ATP13A4: variants seen among roughly 807,000 people sequenced by gnomAD.
ATP13A4 encodes ATPase 13A4.
ATP13A4 carries 114 observed loss-of-function variants against 142.5 expected under a neutral mutation model. The observed-to-expected ratio is 0.80, with a 90% CI of 0.69 to 0.93. ATP13A4 has a LOEUF of 0.93. Ranked by LOEUF, ATP13A4 falls within the 40% of genes least tolerant of loss-of-function variation. The pLI is 0.00. For missense variants in ATP13A4, 1,392 were observed against 1,454.0 expected, an observed-to-expected ratio of 0.96 and a Z score of 0.69; for synonymous variants, 488 against 514.8, an observed-to-expected ratio of 0.95 and a Z score of 0.70.
At chr3:193,480,305 C>T (rs1232119631) in intron 8 of ATP13A4, among the ~76,000 whole-genome samples, 1 of 152,124 alleles carries the variant, frequency 6.6e-6, no homozygotes, top group Non-Finnish European at 1.5e-5. Flanking sequence ...AAAGCTTCTG[C>T]ACAGCAAAAG....
intron 1 of ATP13A4, among the ~76,000 whole-genome samples, chr3:193,544,825 A>G (rs375329642): frequency 2.0e-4 from 31 of 152,364 alleles, no homozygotes; most frequent in African/African-American, 7.5e-4. Flanking sequence ...AACAGGCTAC[A>G]TCAAAAGCAT....
Position 193,439,042 on chromosome 3 carries a change from T to A in ATP13A4, c.2543A>T (p.Asp848Val), listed in dbSNP as rs1482304519. 1 of 1,609,748 alleles carries A rather than the reference T, an allele frequency of 6.2e-7. No individual in the cohort carries two copies. Among genetic ancestry groups the A allele is most frequent in the Non-Finnish European group, 8.5e-7 (1 of 1,176,126 alleles). ...ACTTACCCCACAGTCATTGGCTCCA[T>A]CACCACACATACCTACAAAGTAACT... ...KLDYFVGMCG[D>V]GANDCGALKM... The change falls in exon 22 of 30, where the codon GAT (aspartate) becomes GTT (valine). Residue 848 changes from aspartate to valine, a missense_variant. Coordinates refer to ENST00000342695, the MANE Select transcript of ATP13A4 (RefSeq NM_032279.4).
chr3:193,512,003 C>T (rs1200728465), intron 2 of ATP13A4, among the ~76,000 whole-genome samples: 1 of 151,992 alleles, frequency 6.6e-6, no homozygotes, highest in African/African-American at 2.4e-5. Flanking sequence ...CATTTCCTTG[C>T]CCATTTCCTC....
At chr3:193,564,888 T>C (rs993262215) in intron 2 of ATP13A4, among the ~76,000 whole-genome samples, 1 of 152,130 alleles carries the variant, frequency 6.6e-6, no homozygotes, top group Admixed American at 6.5e-5. Flanking sequence ...TAGATTCTCA[T>C]AGGAGCACAA....
chr3:193,459,024 C>G, intron 14 of ATP13A4, 57 bp downstream of exon 14: 1 of 1,600,712 alleles, frequency 6.2e-7, no homozygotes. Context: ...CTGATATTGC[C>G]TATGTTGCTC....
chr3:193,498,877 T>C (rs1461258509), intron 3 of ATP13A4, among the ~76,000 whole-genome samples: 2 of 152,216 alleles, frequency 1.3e-5, no homozygotes, highest in African/African-American at 4.8e-5. Context: ...ATTATAACCA[T>C]TAGATACATT....
chr3:193,451,807 C>A (rs888341615), intron 17 of ATP13A4, among the ~76,000 whole-genome samples: 7 of 152,094 alleles, frequency 4.6e-5, no homozygotes, highest in African/African-American at 1.2e-4. Context: ...CAGAAAAAAA[C>A]CCCAAAACAA....
intron 2 of ATP13A4, among the ~76,000 whole-genome samples, chr3:193,576,900 A>C (rs1006022066): frequency 2.6e-5 from 4 of 152,228 alleles, no homozygotes; most frequent in African/African-American, 7.2e-5. Context: ...TCTAGCAATC[A>C]AGATAGAATG....
At chr3:193,482,135 T>C (rs552344947) in intron 8 of ATP13A4, among the ~76,000 whole-genome samples, 2 of 152,228 alleles carry the variant, frequency 1.3e-5, no homozygotes, top group South Asian at 4.1e-4. Context: ...AAGAGATAGA[T>C]CCACCTATAT....
intron 3 of ATP13A4, among the ~76,000 whole-genome samples, chr3:193,501,587 T>TAAAAAAAAAAA (rs149104526): frequency 7.9e-6 from 1 of 126,012 alleles, no homozygotes; most frequent in Non-Finnish European, 1.7e-5. Context: ...AAACTCCATT[T>TAAAAAAAAAAA]AAAAAAAAAA....
rs148750067 is a variant in ATP13A4 at position 193,465,079 on chromosome 3, G to A, written c.1322C>T (p.Ala441Val). 4.4e-5 allele frequency: 71 copies of A among 1,614,078 alleles called. No homozygotes were observed. The highest frequency in any genetic ancestry group is 1.7e-4 in the African/African-American group (13 of 75,032). ...VRKALDVITI[A>V]VPPALPAALT... ...AGCAGCAGGTAGAGCCGGAGGAACC[G>A]CAATTGTGATGACGTCAAGGGCTTT... Residue 441 changes from alanine to valine, a missense_variant, in exon 12 of 30, where the codon GCG (alanine) becomes GTG (valine). By Grantham distance (64) the Ala-to-Val change is moderately conservative. Transcript: ENST00000342695.
chr3:193,516,818 T>G (rs1180107797), intron 1 of ATP13A4, among the ~76,000 whole-genome samples: 1 of 152,206 alleles, frequency 6.6e-6, no homozygotes, highest in African/African-American at 2.4e-5. Context: ...CTCTCTACAG[T>G]TTCCAAAGTG....
At chr3:193,547,771 C>A (rs115753375) in intron 1 of ATP13A4, among the ~76,000 whole-genome samples, 2 of 151,928 alleles carry the variant, frequency 1.3e-5, no homozygotes, top group Non-Finnish European at 2.9e-5. Context: ...AAGGGCCCTA[C>A]GCTCAGAAGG....
chr3:193,509,462 G>T (rs1036372237), intron 2 of ATP13A4, among the ~76,000 whole-genome samples: 1 of 152,222 alleles, frequency 6.6e-6, no homozygotes, highest in Non-Finnish European at 1.5e-5. Flanking sequence ...AAAAGAGAGA[G>T]ATATAAGGAA....
chr3:193,434,193 T>C (rs993349553), intron 24 of ATP13A4, among the ~76,000 whole-genome samples: 11 of 152,288 alleles, frequency 7.2e-5, no homozygotes, highest in Middle Eastern at 3.4e-3. Flanking sequence ...GGAGGACATC[T>C]TCCCCTACCA....
chr3:193,409,719 T>C (rs1714673475), intron 28 of ATP13A4, among the ~76,000 whole-genome samples: 1 of 152,232 alleles, frequency 6.6e-6, no homozygotes, highest in Non-Finnish European at 1.5e-5. Flanking sequence ...ATGCTAAACA[T>C]ATTAGTATGT....
At chr3:193,585,664 T>TA (rs1724653921) in intron 1 of ATP13A4, among the ~76,000 whole-genome samples, 1 of 152,188 alleles carries the variant, frequency 6.6e-6, no homozygotes, top group Non-Finnish European at 1.5e-5. Context: ...TTCGTGTTGT[T>TA]ACATGTATCC....
At position 193,462,806 on chromosome 3, in the gene ATP13A4, C is replaced by T. The variant is rs138990894; in HGVS notation, c.1479G>A (p.Arg493=). The T allele has an allele frequency of 1.1e-5, 18 of 1,613,852 alleles. No individual in the cohort carries two copies. Among genetic ancestry groups the T allele is most frequent in the South Asian group, 9.9e-5 (9 of 91,080 alleles). Residue 493 remains arginine, a synonymous_variant, in exon 13 of 30, where the codon AGG becomes AGA. Coordinates refer to ENST00000342695, the MANE Select transcript of ATP13A4 (RefSeq NM_032279.4). ...CGACTCCCCAGAGGTCCAAGCCGTC[C>T]CTTGTTAAGGTGCCTGTCTAAACAG... ...VCFDKTGTLT[R]DGLDLWGVVS...
upstream of ATP13A4, among the ~76,000 whole-genome samples, chr3:193,559,751 G>C (rs1723976488): frequency 6.6e-6 from 1 of 152,090 alleles, no homozygotes; most frequent in African/African-American, 2.4e-5. Flanking sequence ...GCCTTGGGGT[G>C]GCCTGTTGTT....
Sources: gnomAD v4.1 joint callset for allele counts (sites outside exome capture counted in the v4.1 genomes callset) on GRCh38, gnomAD v4.1.1 for gene constraint, MANE v1.5 for transcripts, NCBI Gene and HGNC (gene_info 2026-07-23, HGNC 2026-07-21) for gene names.